MBD5: variants seen among roughly 807,000 people sequenced by gnomAD.
MBD5 encodes methyl-CpG binding domain protein 5.
MBD5 carries 13 observed loss-of-function variants against 117.3 expected under a neutral mutation model. The ratio of observed to expected loss-of-function variants is 0.11; its 90% confidence interval spans 0.07 to 0.18. The LOEUF is 0.18. MBD5 is among the 10% of genes least tolerant of loss of function. The pLI is 1.00. For missense variants in MBD5, 1,879 were observed against 2,093.8 expected, an observed-to-expected ratio of 0.90 and a Z score of 2.00; for synonymous variants, 727 against 766.4, an observed-to-expected ratio of 0.95 and a Z score of 0.85.
intron 1 of MBD5, among the ~76,000 whole-genome samples, chr2:148,097,695 G>A (rs560491111): frequency 6.6e-6 from 1 of 152,282 alleles, no homozygotes; most frequent in African/African-American, 2.4e-5. Flanking sequence ...GGGCAATGTA[G>A]ACGAGGTACA....
chr2:148,269,351 A>C (rs1419253781), intron 3 of MBD5, among the ~76,000 whole-genome samples: 2 of 151,800 alleles, frequency 1.3e-5, no homozygotes, highest in African/African-American at 4.8e-5. Flanking sequence ...TTCTCTTCTC[A>C]GATCAATCCT....
At chr2:148,240,224 G>A (rs546594905) in intron 3 of MBD5, among the ~76,000 whole-genome samples, 3 of 152,182 alleles carry the variant, frequency 2.0e-5, no homozygotes, top group East Asian at 3.9e-4. Flanking sequence ...CAATGAGAAC[G>A]CTTGGACACA....
intron 4 of MBD5, among the ~76,000 whole-genome samples, chr2:148,399,733 G>A (rs557662993): frequency 3.7e-3 from 569 of 152,158 alleles, no homozygotes; most frequent in Non-Finnish European, 6.0e-3. Context: ...TCTTGTGCCA[G>A]TTTTCAAAGG....
At chr2:148,397,555 T>C (rs1444840679) in intron 4 of MBD5, among the ~76,000 whole-genome samples, 4 of 152,136 alleles carry the variant, frequency 2.6e-5, no homozygotes, top group African/African-American at 9.7e-5. Context: ...GGTCTCGATC[T>C]ACTGACCTCG....
chr2:148,344,482 G>A (rs1053363793), intron 4 of MBD5, among the ~76,000 whole-genome samples: 4 of 151,812 alleles, frequency 2.6e-5, no homozygotes. Context: ...TGTGTCGTCT[G>A]TGATTCCTAG....
At chr2:148,326,900 G>C (rs1338351172) in intron 3 of MBD5, among the ~76,000 whole-genome samples, 1 of 149,344 alleles carries the variant, frequency 6.7e-6, no homozygotes, top group Non-Finnish European at 1.5e-5. Context: ...TGGTGATTTT[G>C]CTCGTTAGTT....
intron 3 of MBD5, among the ~76,000 whole-genome samples, chr2:148,308,339 G>A (rs1355398043): frequency 6.6e-6 from 1 of 152,018 alleles, no homozygotes; most frequent in Non-Finnish European, 1.5e-5. Flanking sequence ...CATTCTAACT[G>A]GCATGAGATG....
At chr2:148,433,209 G>A (rs115618614) in intron 4 of MBD5, among the ~76,000 whole-genome samples, 22 of 152,154 alleles carry the variant, frequency 1.4e-4, no homozygotes, top group Middle Eastern at 3.4e-3. Context: ...TTTGTTCTTC[G>A]ATTTTGTATT....
chr2:148,156,409 A>G (rs192177369), intron 1 of MBD5, among the ~76,000 whole-genome samples: 250 of 152,346 alleles, frequency 1.6e-3, no homozygotes, highest in African/African-American at 5.6e-3. Context: ...ACAGATTCTA[A>G]GAGTGCTCTT....
At chr2:148,456,221 G>T (rs1279540708) in intron 4 of MBD5, among the ~76,000 whole-genome samples, 2 of 152,090 alleles carry the variant, frequency 1.3e-5, no homozygotes, top group Non-Finnish European at 2.9e-5. Flanking sequence ...AATTCTGGAG[G>T]CTGGGAGATC....
At chr2:148,131,075 T>G (rs1378025899) in intron 1 of MBD5, among the ~76,000 whole-genome samples, 1 of 152,198 alleles carries the variant, frequency 6.6e-6, no homozygotes, top group Non-Finnish European at 1.5e-5. Flanking sequence ...TTGCTGTTTT[T>G]ATAAAGGGGA....
intron 12 of MBD5, among the ~76,000 whole-genome samples, chr2:148,502,739 C>G (rs1264089298): frequency 6.6e-6 from 1 of 152,162 alleles, no homozygotes; most frequent in Non-Finnish European, 1.5e-5. Flanking sequence ...TTCATCTGTT[C>G]TTTCTTCATT....
At position 148,230,448 on chromosome 2, in the gene MBD5, G is replaced by C. The variant is rs116799437; in HGVS notation, c.-830-2797G>C. On this transcript the variant is annotated intron_variant, in intron 2 of 13. Coordinates refer to ENST00000642680, the MANE Select transcript of MBD5 (RefSeq NM_001378120.1). ...TAATACTCACCCTTCAGGGCAGCAG[G>C]CTGTCCTCTGACCCAGAGCAGGTCC... is the stretch of plus-strand genomic sequence containing the variant. Among the ~76,000 whole-genome samples the C allele has an allele frequency of 5.6e-3, 851 of 152,156 alleles. 6 individuals are homozygous for C. The highest frequency in any genetic ancestry group is 0.01 in the Middle Eastern group (3 of 294).
chr2:148,196,914 C>A (rs1699003271), intron 2 of MBD5, among the ~76,000 whole-genome samples: 1 of 151,814 alleles, frequency 6.6e-6, no homozygotes, highest in Non-Finnish European at 1.5e-5. Flanking sequence ...ATTTGGTGTA[C>A]CTCCATCCAC....
At chr2:148,447,055 G>GAGAA (rs367787920) in intron 4 of MBD5, among the ~76,000 whole-genome samples, 52 of 146,636 alleles carry the variant, frequency 3.5e-4, no homozygotes, top group Admixed American at 8.3e-4. Context: ...GGTGGAAAGA[G>GAGAA]AGAAAGAAAG....
chr2:148,200,017 C>T (rs535562247), intron 2 of MBD5, among the ~76,000 whole-genome samples: 59 of 152,190 alleles, frequency 3.9e-4, no homozygotes, highest in African/African-American at 1.2e-3. Flanking sequence ...ATTCCTTAAT[C>T]GTTTGCATAT....
At chr2:148,173,283 C>CA (rs1368906610) in intron 1 of MBD5, among the ~76,000 whole-genome samples, 1 of 152,160 alleles carries the variant, frequency 6.6e-6, no homozygotes, top group Non-Finnish European at 1.5e-5. Flanking sequence ...ACTGTGTTCC[C>CA]AGGTGTCTCC....
intron 4 of MBD5, among the ~76,000 whole-genome samples, chr2:148,410,728 G>A (rs1033967826): frequency 6.6e-6 from 1 of 152,198 alleles, no homozygotes; most frequent in African/African-American, 2.4e-5. Context: ...GGGGTTACAG[G>A]CATGAGCCAC....
intron 4 of MBD5, among the ~76,000 whole-genome samples, chr2:148,379,434 GA>G (rs1230935376): frequency 6.6e-6 from 1 of 151,596 alleles, no homozygotes; most frequent in Non-Finnish European, 1.5e-5. Flanking sequence ...AGCCAAGGAT[GA>G]AAAAAAGATA....
Sources: allele counts gnomAD v4.1 joint callset (sites outside exome capture counted in the v4.1 genomes callset), GRCh38; gene constraint gnomAD v4.1.1; transcripts MANE v1.5; gene names NCBI Gene and HGNC (gene_info 2026-07-23, HGNC 2026-07-21).